Variants in ANO6 observed in about 807,000 individuals in gnomAD.
ANO6 encodes the protein anoctamin-6.
In ANO6, 106 loss-of-function variants were observed where a neutral mutation model predicts 117.5. The observed-to-expected ratio is 0.90, with a 90% CI of 0.77 to 1.06. The LOEUF is 1.06. Among genes scored for constraint, ANO6 ranks in the 50% least tolerant of loss-of-function variants. The pLI is 0.00. For synonymous variants in ANO6, 367 were observed against 385.1 expected (o/e 0.95, Z 0.55); for missense variants, 955 against 1,121.1 (o/e 0.85, Z 2.12).
In ANO6 at chr12:45,272,245, A is replaced by G. The variant is rs113995203; in HGVS notation, c.71-29769A>G. Among the ~76,000 whole-genome samples, 1,090 of 151,586 alleles carry G rather than the reference A, an allele frequency of 7.2e-3. 17 individuals are homozygous for G. Among genetic ancestry groups the G allele is most frequent in the African/African-American group, 0.025 (1,044 of 41,358 alleles). On this transcript the variant is annotated intron_variant, in intron 1 of 19. Transcript: ENST00000320560. The stretch of plus-strand genomic sequence containing the variant: ...GTAGGTGAAAAATTTAACAAAAACT[A>G]CTAATGAGTAACCAACTTCTATCAC...
chr12:45,397,898 G>A (rs1942670188), intron 12 of ANO6, among the ~76,000 whole-genome samples: 1 of 152,050 alleles, frequency 6.6e-6, no homozygotes, highest in African/African-American at 2.4e-5. Context: ...TGAGTTGATG[G>A]GTGCAGCAAA....
intron 2 of ANO6, among the ~76,000 whole-genome samples, chr12:45,316,344 G>T (rs1940024321): frequency 6.6e-6 from 1 of 152,052 alleles, no homozygotes; most frequent in Non-Finnish European, 1.5e-5. Flanking sequence ...TTAAGGAGAA[G>T]TATAAGGTGT....
intron 1 of ANO6, among the ~76,000 whole-genome samples, chr12:45,284,712 G>A (rs560703984): frequency 2.0e-5 from 3 of 152,260 alleles, no homozygotes; most frequent in East Asian, 1.9e-4. Context: ...GACTGTTGTC[G>A]TGTATCTAAG....
intron 3 of ANO6, among the ~76,000 whole-genome samples, chr12:45,346,025 A>G (rs1027496610): frequency 6.6e-6 from 1 of 151,866 alleles, no homozygotes; most frequent in Non-Finnish European, 1.5e-5. Flanking sequence ...AAACTTTTAT[A>G]AGGAGCTCAT....
rs574133009 is a variant in ANO6, at chr12:45,414,849, C to T, written c.2012-1850C>T. Among the ~76,000 whole-genome samples, 69 of 152,234 alleles carry T rather than the reference C, an allele frequency of 4.5e-4. 1 individual carries two copies. The highest frequency in any genetic ancestry group is 1.5e-3 in the African/African-American group (63 of 41,544). ...CACAATCCCGGCTCACTGCAACCTC[C>T]GCCTCCTCATCTAAAGCAATCCTCC... On this transcript the variant is annotated intron_variant, in intron 16 of 19. Transcript: ENST00000320560.
chr12:45,366,379 G>A (rs922847369), intron 8 of ANO6, among the ~76,000 whole-genome samples: 5 of 151,562 alleles, frequency 3.3e-5, no homozygotes, highest in South Asian at 2.1e-4. Flanking sequence ...AAGTTGGTAC[G>A]TTGGCATTCT....
rs546575491 is a variant in ANO6 at position 45,263,730 on chromosome 12, G to A, written c.71-38284G>A. ...AGCCAAGGAGGGTCAGAGGCAAAGG[G>A]ATTGTGGCTGAGGCTGAGGTTATGT... On this transcript the variant is annotated intron_variant, in intron 1 of 19. Transcript: ENST00000320560. 7.4e-4 allele frequency among the ~76,000 whole-genome samples: 113 copies of A among 152,248 alleles called. 2 individuals are homozygous for A. Among genetic ancestry groups the A allele is most frequent in the South Asian group, 5.8e-3 (28 of 4,832 alleles).
chr12:45,297,030 C>T (rs1939318152), intron 1 of ANO6, among the ~76,000 whole-genome samples: 1 of 152,130 alleles, frequency 6.6e-6, no homozygotes, highest in Non-Finnish European at 1.5e-5. Context: ...AACGTTATCA[C>T]TAGCATTAGA....
In ANO6 at chr12:45,296,257, A is replaced by G. The variant is rs543321814; in HGVS notation, c.71-5757A>G. Among the ~76,000 whole-genome samples, 18 of 152,336 alleles carry G rather than the reference A, an allele frequency of 1.2e-4. No homozygotes were observed. The South Asian group carries it at 3.3e-3, about 28-fold the overall frequency. ...TCTAGATATCGTGCCCAATCTGGAT[A>G]TGTGAACATGTCCTCATTCTCAAGG... On this transcript the variant is annotated intron_variant, in intron 1 of 19. Coordinates refer to ENST00000320560, the MANE Select transcript of ANO6 (RefSeq NM_001025356.3).
chr12:45,439,753 T>C, exon 20 of ANO6: 1 of 1,549,664 alleles, frequency 6.5e-7, no homozygotes, highest in Middle Eastern at 1.7e-4. Flanking sequence ...AGTTGACTGC[T>C]GTATGTGTTA....
intron 3 of ANO6, among the ~76,000 whole-genome samples, chr12:45,345,348 A>AT (rs557484716): frequency 4.5e-4 from 69 of 151,820 alleles, no homozygotes; most frequent in Admixed American, 3.5e-3. Context: ...AGTTTATGGG[A>AT]TTTTTTTTAT....
intron 1 of ANO6, among the ~76,000 whole-genome samples, chr12:45,254,640 TAATCA>T (rs993654540): frequency 1.3e-5 from 2 of 152,244 alleles, no homozygotes; most frequent in African/African-American, 4.8e-5. Flanking sequence ...AAAATTTGGC[TAATCA>T]AATGTTTATC....
At chr12:45,291,369 A>AC (rs1939092936) in intron 1 of ANO6, among the ~76,000 whole-genome samples, 2 of 150,162 alleles carry the variant, frequency 1.3e-5, no homozygotes, top group African/African-American at 2.5e-5. Flanking sequence ...AAAAAAAAAA[A>AC]CACAAAGGAA....
At chr12:45,403,029 G>A in intron 13 of ANO6, 43 bp from the exon 14 acceptor site, 1 of 1,584,414 alleles carries the variant, frequency 6.3e-7, no homozygotes, top group Non-Finnish European at 8.7e-7. Context: ...TCTCAAAGCT[G>A]TTCACAATTT....
intron 12 of ANO6, among the ~76,000 whole-genome samples, chr12:45,397,303 A>G (rs1265912822): frequency 6.6e-6 from 1 of 152,206 alleles, no homozygotes; most frequent in African/African-American, 2.4e-5. Context: ...ATCTCACACC[A>G]GTTAGAATGG....
At chr12:45,255,518 G>A (rs1302239703) in intron 1 of ANO6, among the ~76,000 whole-genome samples, 1 of 152,090 alleles carries the variant, frequency 6.6e-6, no homozygotes, top group Non-Finnish European at 1.5e-5. Flanking sequence ...CAGGAATGTT[G>A]CTGAAGGAGG....
intron 2 of ANO6, among the ~76,000 whole-genome samples, chr12:45,312,858 A>G (rs576670390): frequency 3.3e-5 from 5 of 152,206 alleles, no homozygotes; most frequent in South Asian, 2.1e-4. Context: ...TGATGTTAAC[A>G]TGTATTATAA....
At chr12:45,223,109 A>G (rs995487787) in intron 1 of ANO6, among the ~76,000 whole-genome samples, 1 of 152,330 alleles carries the variant, frequency 6.6e-6, no homozygotes, top group Admixed American at 6.5e-5. Context: ...ATCTTTTATA[A>G]TAAACTGGTA....
intron 3 of ANO6, among the ~76,000 whole-genome samples, chr12:45,345,296 T>C (rs1410829840): frequency 1.3e-5 from 2 of 152,248 alleles, no homozygotes; most frequent in East Asian, 3.8e-4. Flanking sequence ...ATTCTTTTAC[T>C]TTTTGACCTT....
Sources: allele counts gnomAD v4.1 joint callset (sites outside exome capture counted in the v4.1 genomes callset), GRCh38; gene constraint gnomAD v4.1.1; transcripts MANE v1.5; gene names NCBI Gene and HGNC (gene_info 2026-07-23, HGNC 2026-07-21).